Variants in CD96 observed in about 807,000 individuals in gnomAD.
CD96 encodes the protein CD96 molecule.
CD96 carries 70 observed loss-of-function variants against 71.3 expected under a neutral mutation model. That is an observed-to-expected ratio of 0.98 (90% CI 0.81 to 1.20). The LOEUF (loss-of-function observed/expected upper bound fraction) is 1.20, where lower values mean the gene tolerates loss of function less well. Among genes scored for constraint, CD96 ranks in the 50% most tolerant of loss-of-function variants. CD96 has a pLI of 0.00. For synonymous variants in CD96, 248 were observed against 233.0 expected, an observed-to-expected ratio of 1.06 and a Z score of -0.59; for missense variants, 742 against 677.5, an observed-to-expected ratio of 1.10 and a Z score of -1.06.
At chr3:111,617,137 G>A (rs1315458237) in intron 8 of CD96, among the ~76,000 whole-genome samples, 2 of 152,252 alleles carry the variant, frequency 1.3e-5, no homozygotes, top group African/African-American at 4.8e-5. Context: ...AGCAGGTGGA[G>A]ATGGGCTGAG....
intron 14 of CD96, among the ~76,000 whole-genome samples, chr3:111,660,619 T>C (rs1438445298): frequency 6.6e-6 from 1 of 152,200 alleles, no homozygotes; most frequent in Non-Finnish European, 1.5e-5. Context: ...CTTCAAATTA[T>C]ACTATAAAGC....
chr3:111,637,179 A>G lies in CD96; in HGVS notation c.1322-17A>G, dbSNP rs752454313. On this transcript the variant is annotated splice_polypyrimidine_tract_variant and intron_variant, in intron 10 of 13. Coordinates refer to ENST00000352690, the MANE Select transcript of CD96 (RefSeq NM_005816.5). Reference sequence around the variant, plus strand: ...AGTCTCATATAGGTTAACTCTTCTGATATCTTCTTCCTTTAGCAGTTTCAC... The same window carrying G: ...AGTCTCATATAGGTTAACTCTTCTGGTATCTTCTTCCTTTAGCAGTTTCAC... 7.8e-6 allele frequency: 11 copies of G among 1,418,274 alleles called. No homozygotes were observed. The East Asian group carries it at 1.8e-4, about 23-fold the overall frequency. The allele number at this position is 1,418,274 out of a possible 1,614,324, so 87.9% of individuals were successfully genotyped here.
intron 5 of CD96, among the ~76,000 whole-genome samples, chr3:111,591,455 A>T (rs1936984080): frequency 6.6e-6 from 1 of 150,830 alleles, no homozygotes; most frequent in Admixed American, 6.6e-5. Flanking sequence ...ATCTTTGTGC[A>T]GAATTTGATT....
rs941883827 is a variant in CD96, at chr3:111,569,781, CT to C, written c.543+2143del. On this transcript the variant is annotated intron_variant, in intron 3 of 13. Coordinates refer to ENST00000352690, the MANE Select transcript of CD96 (RefSeq NM_005816.5). The stretch of plus-strand genomic sequence containing the variant: ...GGACAAAAAGTTGTATCTCTCATTT[CT>C]TTTTTTTTCCAAAGTATAAATTCAT... Among the ~76,000 whole-genome samples, 9 of 151,604 alleles carry C rather than the reference CT, an allele frequency of 5.9e-5. No homozygotes were observed. The South Asian group carries it at 6.3e-4, about 11-fold the overall frequency.
At chr3:111,643,328 C>A (rs1427904004) in intron 12 of CD96, among the ~76,000 whole-genome samples, 2 of 152,000 alleles carry the variant, frequency 1.3e-5, no homozygotes, top group Non-Finnish European at 2.9e-5. Flanking sequence ...AGGGACATAC[C>A]TTAATGTAAT....
chr3:111,642,243 A>G (rs1222859444), intron 12 of CD96, among the ~76,000 whole-genome samples: 2 of 152,248 alleles, frequency 1.3e-5, no homozygotes, highest in African/African-American at 2.4e-5. Context: ...TTGAAAGACC[A>G]TTAGTGAGAT....
intron 2 of CD96, among the ~76,000 whole-genome samples, chr3:111,547,264 G>C (rs1364568996): frequency 6.6e-6 from 1 of 152,200 alleles, no homozygotes; most frequent in Non-Finnish European, 1.5e-5. Flanking sequence ...ATTAAGAATA[G>C]TAATAATTAT....
At chr3:111,554,290 C>T (rs936996412) in intron 2 of CD96, among the ~76,000 whole-genome samples, 1 of 152,040 alleles carries the variant, frequency 6.6e-6, no homozygotes, top group African/African-American at 2.4e-5. Context: ...TTTACCCCAT[C>T]AAATTAGTTC....
Position 111,593,884 on chromosome 3 carries a change from G to A in CD96, c.808-4236G>A, listed in dbSNP as rs543221112. 4.3e-6 allele frequency: 7 copies of A among 1,613,648 alleles called. No homozygotes were observed. In the South Asian group the frequency reaches 6.6e-5, roughly 15 times the overall value. ...GGCCACTCTTCTCCAGCTCCTCTCT[G>A]TGCATGCTTTTCAGATGCTTCCACA... On this transcript the variant is annotated intron_variant, in intron 5 of 13. Transcript: ENST00000352690.
Position 111,637,380 on chromosome 3 carries a change from TTGA to T in CD96, c.1387+126_1387+128del. 2.8e-6 allele frequency: 2 copies of T among 720,332 alleles called. 1 individual carries two copies. Among genetic ancestry groups the T allele is most frequent in the South Asian group, 3.0e-5 (2 of 67,530 alleles). The allele number at this position is 720,332 out of a possible 1,614,324, so 44.6% of individuals were successfully genotyped here. On this transcript the variant is annotated intron_variant, in intron 11 of 13. Coordinates refer to ENST00000352690, the MANE Select transcript of CD96 (RefSeq NM_005816.5). ...TCAGATAGATATATAAAAGTACATCTTGATGATGAAAATTACAATGAATGGAAA... is the reference window on the plus strand; with the variant it reads ...TCAGATAGATATATAAAAGTACATCTTGATGAAAATTACAATGAATGGAAA...
intron 2 of CD96, among the ~76,000 whole-genome samples, chr3:111,562,063 C>T (rs376574768): frequency 5.3e-5 from 8 of 152,234 alleles, no homozygotes; most frequent in Admixed American, 1.3e-4. Flanking sequence ...CGCCCTGCTT[C>T]GGCTCCCGCA....
chr3:111,620,890 TCTC>T (rs1938490303), intron 8 of CD96, among the ~76,000 whole-genome samples: 2 of 152,294 alleles, frequency 1.3e-5, no homozygotes, highest in South Asian at 2.1e-4. Flanking sequence ...ATGAGTGAGT[TCTC>T]CTTCTCCTGC....
chr3:111,556,792 A>T (rs527628868), intron 2 of CD96, among the ~76,000 whole-genome samples: 6 of 151,952 alleles, frequency 3.9e-5, no homozygotes, highest in Non-Finnish European at 8.8e-5. Context: ...TGACTTCCAT[A>T]ATGGTGGAAC....
intron 3 of CD96, chr3:111,577,645 T>G: frequency 1.2e-6 from 1 of 855,852 alleles, no homozygotes; most frequent in Non-Finnish European, 2.0e-6. Context: ...ACACAAATCC[T>G]AGCCAGATTC....
chr3:111,639,772 G>A (rs1479573964), intron 12 of CD96, among the ~76,000 whole-genome samples: 1 of 152,122 alleles, frequency 6.6e-6, no homozygotes, highest in Non-Finnish European at 1.5e-5. Context: ...GGTATCCATG[G>A]CTGAGAGACC....
intron 1 of CD96, among the ~76,000 whole-genome samples, chr3:111,542,950 T>C (rs1440062477): frequency 6.6e-6 from 1 of 151,970 alleles, no homozygotes; most frequent in Non-Finnish European, 1.5e-5. Context: ...CTGAGTGTCT[T>C]AAGAATTAAC....
rs1940037266 is a variant in CD96 at position 111,650,689 on chromosome 3, TG to T, written c.*884del. The T allele has an allele frequency of 1.3e-5, 2 of 152,260 alleles. No individual in the cohort carries two copies. The highest frequency in any genetic ancestry group is 4.8e-5 in the African/African-American group (2 of 41,460). The allele number at this position is 152,260 out of a possible 1,614,324, so 9.4% of individuals were successfully genotyped here. On this transcript the variant is annotated 3_prime_UTR_variant, in exon 14 of 14. Transcript: ENST00000352690. ...TTAATCTGCCTGTTTTGATCTGTTT[TG>T]AAAAAGATAAAGAGCCTCAAATCAG...
At chr3:111,614,803 G>A (rs1292995682) in intron 8 of CD96, among the ~76,000 whole-genome samples, 1 of 152,132 alleles carries the variant, frequency 6.6e-6, no homozygotes, top group Non-Finnish European at 1.5e-5. Context: ...ATGCCCCTTT[G>A]TCCTAAATTC....
chr3:111,573,969 C>T (rs565298248), intron 3 of CD96, among the ~76,000 whole-genome samples: 1 of 152,302 alleles, frequency 6.6e-6, no homozygotes, highest in Admixed American at 6.5e-5. Flanking sequence ...ATATATTGTT[C>T]TGGTGCTCTA....
Sources: allele counts gnomAD v4.1 joint callset (sites outside exome capture counted in the v4.1 genomes callset), GRCh38; gene constraint gnomAD v4.1.1; transcripts MANE v1.5; gene names NCBI Gene and HGNC (gene_info 2026-07-23, HGNC 2026-07-21).